The following SPTAN1 variants were observed in gnomAD, a reference collection of about 807,000 sequenced individuals.
SPTAN1 encodes the protein spectrin alpha, non-erythrocytic 1.
A neutral mutation model predicts 331.3 loss-of-function variants in SPTAN1; 61 were observed. The observed-to-expected ratio is 0.18, with a 90% CI of 0.15 to 0.23. The LOEUF is 0.23. Ranked by LOEUF, SPTAN1 falls within the 10% of genes least tolerant of loss-of-function variation. The pLI, the probability that SPTAN1 is intolerant of heterozygous loss-of-function variation, is 1.00. For missense variants in SPTAN1, 2,043 were observed against 3,147.9 expected (o/e 0.65, Z 8.40); for synonymous variants, 1,153 against 1,173.9 (o/e 0.98, Z 0.36).
chr9:128,597,776 G>C (rs771838658), intron 24 of SPTAN1, among the ~76,000 whole-genome samples: 8 of 152,036 alleles, frequency 5.3e-5, no homozygotes, highest in Non-Finnish European at 1.5e-5. Context: ...TCAACCTCCC[G>C]AACAGCTGGG....
intron 5 of SPTAN1, 119 bp from the exon 6 acceptor site, chr9:128,576,704 C>T (rs947876578): frequency 4.5e-6 from 6 of 1,324,610 alleles, no homozygotes; most frequent in Admixed American, 2.0e-5. Context: ...ACCATTATTT[C>T]TTGTGATTCT....
At chr9:128,606,878 G>A (rs533851962) in intron 31 of SPTAN1, among the ~76,000 whole-genome samples, 2 of 152,216 alleles carry the variant, frequency 1.3e-5, no homozygotes, top group East Asian at 3.9e-4. Context: ...TGTATTCACG[G>A]TGTTGTGCAG....
intron 39 of SPTAN1, 56 bp downstream of exon 39, chr9:128,612,302 A>G: frequency 6.2e-7 from 1 of 1,612,142 alleles, no homozygotes; most frequent in Non-Finnish European, 8.5e-7. Flanking sequence ...CATTTGGCAC[A>G]GTGGGTCCAT....
intron 1 of SPTAN1, among the ~76,000 whole-genome samples, chr9:128,558,036 C>A (rs1412395393): frequency 1.3e-5 from 2 of 152,100 alleles, no homozygotes; most frequent in African/African-American, 4.8e-5. Context: ...ATCTCCTGAC[C>A]TCGTGATCCA....
At chr9:128,586,470 T>C (rs550700587) in intron 19 of SPTAN1, among the ~76,000 whole-genome samples, 93 of 152,210 alleles carry the variant, frequency 6.1e-4, no homozygotes, top group Non-Finnish European at 1.1e-3. Flanking sequence ...TAATCATACC[T>C]AAAGGAGAGA....
chr9:128,625,935 C>T lies in SPTAN1; in HGVS notation c.6236C>T (p.Ala2079Val). ...AGCCAGCTTCTGGCCAACTCAGCCG[C>T]CCGCAAGAAGAAGCTTCTGGAGGCT... Reference protein sequence around the residue: ...RWSQLLANSAARKKKLLEAQS... With the variant: ...RWSQLLANSAVRKKKLLEAQS... Residue 2079 changes from alanine (A) to valine (V), a missense_variant, in exon 48 of 57, where the codon GCC (alanine) becomes GTC (valine). Ala to Val is a moderately conservative substitution (Grantham distance 64). This residue lies in a region of SPTAN1 where 256 missense variants were observed against 376.4 expected (regional missense o/e 0.68). Coordinates refer to ENST00000372739, the MANE Select transcript of SPTAN1 (RefSeq NM_001130438.3). This position sits in a 1 kb window ranked among gnomAD's most constrained non-coding sequence, Gnocchi z 4.1. 1 of 1,614,194 alleles carries T rather than the reference C, an allele frequency of 6.2e-7. No individual in the cohort carries two copies. Among genetic ancestry groups the T allele is most frequent in the Non-Finnish European group, 8.5e-7 (1 of 1,180,026 alleles).
Position 128,633,635 on chromosome 9 carries a change from A to C in SPTAN1, c.*301A>C. ...TCCCCCAAATCTGTTTTCATGTAAA[A>C]GACAAATAAATGATGACTTCCCCCA... is the stretch of plus-strand genomic sequence containing the variant. On this transcript the variant is annotated 3_prime_UTR_variant, in exon 57 of 57. Coordinates refer to ENST00000372739, the MANE Select transcript of SPTAN1 (RefSeq NM_001130438.3). The C allele has an allele frequency of 7.4e-7, 1 of 1,348,716 alleles. No individual in the cohort carries two copies. Among genetic ancestry groups the C allele is most frequent in the Non-Finnish European group, 1.0e-6 (1 of 983,104 alleles). 83.5% of individuals were successfully genotyped at this position (1,348,716 alleles called of 1,614,324 possible).
chr9:128,609,462 G>A, intron 36 of SPTAN1, 178 bp downstream of exon 36: 2 of 1,087,272 alleles, frequency 1.8e-6, no homozygotes, highest in Non-Finnish European at 2.7e-6. Context: ...TTTAAAAGTT[G>A]CCTTCCTCAT....
Position 128,586,025 on chromosome 9 carries a change from A to G in SPTAN1, c.2778+60A>G, listed in dbSNP as rs1202083750. ...GAAGTGGAACAGGGCTTGTACTGAG[A>G]AGGAAGTTAGGAGAAGTAGTGATGC... On this transcript the variant is annotated intron_variant, in intron 19 of 56. Transcript: ENST00000372739. 5.9e-6 allele frequency: 9 copies of G among 1,523,464 alleles called. No homozygotes were observed. In the East Asian group the frequency reaches 9.0e-5, roughly 15 times the overall value. The allele number at this position is 1,523,464 out of a possible 1,614,324, so 94.4% of individuals were successfully genotyped here.
intron 1 of SPTAN1, among the ~76,000 whole-genome samples, chr9:128,555,075 G>A (rs2132633553): frequency 6.6e-6 from 1 of 152,226 alleles, no homozygotes. Flanking sequence ...TAACAAGTGG[G>A]GAAATTGAGG....
chr9:128,581,422 A>G (rs1482589538), intron 11 of SPTAN1, among the ~76,000 whole-genome samples: 3 of 150,050 alleles, frequency 2.0e-5, no homozygotes, highest in South Asian at 2.1e-4. Context: ...GCAGCAAGCT[A>G]TGATCGTACC....
Position 128,588,859 on chromosome 9 carries a change from T to C in SPTAN1, c.2922T>C (p.Ala974=), listed in dbSNP as rs751671825. The part of the protein sequence containing the change: ...DDETGKELVL[A]LYDYQEKSPR... ...AGACTGGGAAGGAGCTGGTCTTGGC[T>C]CTCTACGACTATCAGGAGAAGAGTC... is the stretch of plus-strand genomic sequence containing the variant. Residue 974 remains alanine (A), a synonymous_variant, in exon 21 of 57, where the codon GCT becomes GCC. Coordinates refer to ENST00000372739, the MANE Select transcript of SPTAN1 (RefSeq NM_001130438.3). The C allele has an allele frequency of 2.5e-6, 4 of 1,613,974 alleles. No individual in the cohort carries two copies. In the South Asian group the frequency reaches 3.3e-5, roughly 13 times the overall value.
chr9:128,598,412 A>G lies in SPTAN1; in HGVS notation c.3427A>G (p.Asn1143Asp). The G allele has an allele frequency of 6.2e-7, 1 of 1,613,090 alleles. No individual in the cohort carries two copies. The highest frequency in any genetic ancestry group is 8.5e-7 in the Non-Finnish European group (1 of 1,179,790). The change falls in exon 25 of 57, where the codon AAT becomes GAT. Residue 1143 changes from asparagine (N) to aspartate (D), a missense_variant. Physicochemically the swap from Asn to Asp is conservative, Grantham distance 23. Coordinates refer to ENST00000372739, the MANE Select transcript of SPTAN1 (RefSeq NM_001130438.3). ...TTTTGCTTTAAAGGACCTGAAGGCC[A>G]ATGAGTCACGGTTGAAGGACATTAA... is the stretch of plus-strand genomic sequence containing the variant. ...FDDFQKDLKANESRLKDINKV... is the reference protein window; with the variant it reads ...FDDFQKDLKADESRLKDINKV...
At chr9:128,617,514 A>C in intron 41 of SPTAN1, 126 bp from the exon 42 acceptor site, 1 of 1,444,146 alleles carries the variant, frequency 6.9e-7, no homozygotes, top group Non-Finnish European at 9.6e-7. Flanking sequence ...TGTTGTTCAG[A>C]AAACTGGCAA....
At chr9:128,588,780 C>T (rs1176057138) in intron 20 of SPTAN1, 29 bp from the exon 21 acceptor site, 2 of 1,613,440 alleles carry the variant, frequency 1.2e-6, no homozygotes, top group Non-Finnish European at 1.7e-6. Context: ...CGTGTTTTTA[C>T]CATGTTTGCC....
chr9:128,568,732 T>G (rs1181531032), intron 2 of SPTAN1, 40 bp from the exon 3 acceptor site: 1 of 1,612,692 alleles, frequency 6.2e-7, no homozygotes, highest in Non-Finnish European at 8.5e-7. Flanking sequence ...GCTGATGCTG[T>G]GTGGTTGCGT....
In SPTAN1 at chr9:128,632,792, C is replaced by T. The variant is rs1589419738; in HGVS notation, c.7161-16C>T. 8.1e-6 allele frequency: 13 copies of T among 1,614,082 alleles called. No homozygotes were observed. The highest frequency in any genetic ancestry group is 7.6e-6 in the Non-Finnish European group (9 of 1,180,044). On this transcript the variant is annotated splice_polypyrimidine_tract_variant and intron_variant, in intron 55 of 56. Coordinates refer to ENST00000372739, the MANE Select transcript of SPTAN1 (RefSeq NM_001130438.3). ...CCTGCCCTCCCTGCTCAGGCTCTTG[C>T]TTCCCCCGCTCCTAGAGATGGCCAT...
chr9:128,557,500 G>A (rs761469673), intron 1 of SPTAN1, among the ~76,000 whole-genome samples: 2 of 152,040 alleles, frequency 1.3e-5, no homozygotes, highest in Non-Finnish European at 2.9e-5. Context: ...CACTGCCTCT[G>A]CCTGTACAAG....
rs969821584 is a variant in SPTAN1, at chr9:128,595,047, T to C, written c.3414+674T>C. ...CTGGTCTCAAACTGCTGACCTCAGGTGATCCGCCTGCCTCAGCCTCCCAAA... is the reference window on the plus strand; with the variant it reads ...CTGGTCTCAAACTGCTGACCTCAGGCGATCCGCCTGCCTCAGCCTCCCAAA... On this transcript the variant is annotated intron_variant, in intron 24 of 56. Coordinates refer to ENST00000372739, the MANE Select transcript of SPTAN1 (RefSeq NM_001130438.3). 2.0e-5 allele frequency among the ~76,000 whole-genome samples: 3 copies of C among 151,872 alleles called. No homozygotes were observed. In the East Asian group the frequency reaches 5.8e-4, roughly 29 times the overall value.
Sources: allele counts gnomAD v4.1 joint callset (sites outside exome capture counted in the v4.1 genomes callset), GRCh38; gene constraint gnomAD v4.1.1; regional missense constraint gnomAD v4.1.1; non-coding constraint Gnocchi (gnomAD v3.1); transcripts MANE v1.5; gene names NCBI Gene and HGNC (gene_info 2026-07-23, HGNC 2026-07-21).